Variants in TMEM178B observed in about 807,000 individuals in gnomAD.
TMEM178B encodes the protein transmembrane protein 178B.
Under a neutral mutation model 31.0 loss-of-function variants are expected in TMEM178B, and 5 were observed. That is an observed-to-expected ratio of 0.16 (90% CI 0.08 to 0.34). TMEM178B has a LOEUF of 0.34. Ranked by LOEUF, TMEM178B falls within the 10% of genes least tolerant of loss-of-function variation. The probability of loss-of-function intolerance (pLI) is 1.00; values close to 1 mark genes in which losing one functional copy is unlikely to be tolerated. For missense variants in TMEM178B, 275 were observed against 400.3 expected (o/e 0.69, Z 2.67); for synonymous variants, 164 against 164.0 (o/e 1.00, Z 0.00).
intron 1 of TMEM178B, among the ~76,000 whole-genome samples, chr7:141,087,776 A>G (rs1270682451): frequency 6.6e-6 from 1 of 152,216 alleles, no homozygotes; most frequent in Non-Finnish European, 1.5e-5. Flanking sequence ...TTCAGCCAAG[A>G]GTCCTTATGT....
chr7:141,135,012 C>A (rs1485021345), intron 1 of TMEM178B, among the ~76,000 whole-genome samples: 1 of 152,204 alleles, frequency 6.6e-6, no homozygotes, highest in East Asian at 1.9e-4. Context: ...TTTTAAAAAT[C>A]GGAGTTTCTG....
chr7:141,202,735 G>C (rs1001714830), intron 1 of TMEM178B, among the ~76,000 whole-genome samples: 2 of 152,190 alleles, frequency 1.3e-5, no homozygotes, highest in South Asian at 2.1e-4. Flanking sequence ...GAGAAGACGT[G>C]GGGGAGGTGG....
chr7:141,117,023 A>G (rs1471069983), intron 1 of TMEM178B, among the ~76,000 whole-genome samples: 2 of 152,198 alleles, frequency 1.3e-5, no homozygotes, highest in Non-Finnish European at 2.9e-5. Context: ...TCCTTTGGGT[A>G]TATACCCAGT....
chr7:141,141,435 C>G (rs369591712), intron 1 of TMEM178B, among the ~76,000 whole-genome samples: 2 of 152,160 alleles, frequency 1.3e-5, no homozygotes, highest in East Asian at 3.9e-4. Flanking sequence ...GATCTGGGTG[C>G]CAGGTATGCC....
At chr7:141,408,876 G>A (rs1264948048) in intron 2 of TMEM178B, among the ~76,000 whole-genome samples, 3 of 152,190 alleles carry the variant, frequency 2.0e-5, no homozygotes, top group Non-Finnish European at 4.4e-5. Flanking sequence ...TGGTGAAGAG[G>A]CACAGGGTAG....
chr7:141,123,667 A>G lies in TMEM178B; in HGVS notation c.382+48975A>G, dbSNP rs577331576. Reference sequence around the variant, plus strand: ...AGAGATTGCTGCAGCCCTTTGAACTAGAACATACTCTGAGGCTCTTGGCTG... The same window carrying G: ...AGAGATTGCTGCAGCCCTTTGAACTGGAACATACTCTGAGGCTCTTGGCTG... On this transcript the variant is annotated intron_variant, in intron 1 of 3. Coordinates refer to ENST00000565468, the MANE Select transcript of TMEM178B (RefSeq NM_001195278.2). Among the ~76,000 whole-genome samples, 7 of 152,286 alleles carry G rather than the reference A, an allele frequency of 4.6e-5. No individual in the cohort carries two copies. The South Asian group carries it at 1.0e-3, about 23-fold the overall frequency.
At chr7:141,106,085 C>CAAA (rs3032870) in intron 1 of TMEM178B, among the ~76,000 whole-genome samples, 2,586 of 122,660 alleles carry the variant, frequency 0.021, 55 homozygotes, top group Non-Finnish European at 0.032. Flanking sequence ...GACCCTGTCT[C>CAAA]AAAAAAAAAA....
At chr7:141,466,558 C>A (rs750706601) in intron 3 of TMEM178B, among the ~76,000 whole-genome samples, 13 of 152,164 alleles carry the variant, frequency 8.5e-5, no homozygotes, top group Non-Finnish European at 1.8e-4. Flanking sequence ...CTGGACTTCT[C>A]CAGCATAGCA....
intron 2 of TMEM178B, among the ~76,000 whole-genome samples, chr7:141,329,945 A>C (rs1391144452): frequency 1.3e-5 from 2 of 152,236 alleles, no homozygotes; most frequent in Admixed American, 1.3e-4. Context: ...GTGGACACAG[A>C]ATCAATGGTA....
At chr7:141,316,062 G>A (rs1124156) in intron 2 of TMEM178B, among the ~76,000 whole-genome samples, 48,176 of 151,974 alleles carry the variant, frequency 0.32, 9,770 homozygotes, top group African/African-American at 0.56. Flanking sequence ...AGTGATGCCC[G>A]GGGTGGAATT....
intron 2 of TMEM178B, among the ~76,000 whole-genome samples, chr7:141,325,820 T>TG (rs1799179633): frequency 8.5e-6 from 1 of 117,012 alleles, no homozygotes; most frequent in South Asian, 2.5e-4. Context: ...AAGACAGCCC[T>TG]GGGAAAAAAA....
At chr7:141,218,954 C>T (rs775232332) in intron 2 of TMEM178B, among the ~76,000 whole-genome samples, 2 of 152,238 alleles carry the variant, frequency 1.3e-5, no homozygotes, top group Non-Finnish European at 2.9e-5. Flanking sequence ...CTTTCTCAGC[C>T]TGGGAGCTGC....
chr7:141,462,004 G>A (rs1802067475), intron 3 of TMEM178B, among the ~76,000 whole-genome samples: 1 of 152,118 alleles, frequency 6.6e-6, no homozygotes, highest in Non-Finnish European at 1.5e-5. Flanking sequence ...CGCATTCCAG[G>A]GATCCAAGTT....
chr7:141,339,619 A>G lies in TMEM178B; in HGVS notation c.497-97989A>G, dbSNP rs577876172. Among the ~76,000 whole-genome samples the G allele has an allele frequency of 5.9e-5, 9 of 152,350 alleles. No individual in the cohort carries two copies. The East Asian group carries it at 1.7e-3, about 29-fold the overall frequency. ...ATGGAATAGAAAAATGAGGACATTC[A>G]TGTGGTTCATGAAAGAAAATGTAAA... On this transcript the variant is annotated intron_variant, in intron 2 of 3. Coordinates refer to ENST00000565468, the MANE Select transcript of TMEM178B (RefSeq NM_001195278.2).
chr7:141,367,189 G>A (rs988461060), intron 2 of TMEM178B, among the ~76,000 whole-genome samples: 3 of 152,214 alleles, frequency 2.0e-5, no homozygotes, highest in Middle Eastern at 3.4e-3. Flanking sequence ...TGTCCTTCTC[G>A]AAAGGTAGGA....
chr7:141,418,582 G>T (rs1483797679), intron 2 of TMEM178B, among the ~76,000 whole-genome samples: 4 of 151,994 alleles, frequency 2.6e-5, no homozygotes, highest in Non-Finnish European at 5.9e-5. Context: ...CTTATGCTAG[G>T]TTTGCCCTAC....
intron 2 of TMEM178B, among the ~76,000 whole-genome samples, chr7:141,425,780 G>A (rs1563179339): frequency 6.6e-6 from 1 of 152,096 alleles, no homozygotes; most frequent in African/African-American, 2.4e-5. Flanking sequence ...GATTTGATTT[G>A]TATATGTCAG....
chr7:141,246,343 G>T (rs879892518), intron 2 of TMEM178B, among the ~76,000 whole-genome samples: 1 of 152,150 alleles, frequency 6.6e-6, no homozygotes, highest in Non-Finnish European at 1.5e-5. Flanking sequence ...GGATGCAAGT[G>T]GCAAATCTTT....
At chr7:141,099,611 G>A (rs1206191851) in intron 1 of TMEM178B, among the ~76,000 whole-genome samples, 1 of 152,186 alleles carries the variant, frequency 6.6e-6, no homozygotes. Flanking sequence ...ATTTGGCACA[G>A]GAGCTTGGTT....
Sources: gnomAD v4.1 joint callset for allele counts (sites outside exome capture counted in the v4.1 genomes callset) on GRCh38, gnomAD v4.1.1 for gene constraint, MANE v1.5 for transcripts, NCBI Gene and HGNC (gene_info 2026-07-23, HGNC 2026-07-21) for gene names.